The following IL17RD variants were observed in gnomAD, a reference collection of about 807,000 sequenced individuals.
IL17RD encodes interleukin-17 receptor D.
In IL17RD, 52 loss-of-function variants were observed where a neutral mutation model predicts 80.5. The ratio of observed to expected loss-of-function variants is 0.65; its 90% CI spans 0.52 to 0.81. IL17RD has a LOEUF of 0.81. Among genes scored for constraint, IL17RD ranks in the 40% least tolerant of loss-of-function variants. The pLI, the probability that IL17RD is intolerant of heterozygous loss-of-function variation, is 0.00. For synonymous variants in IL17RD, 416 were observed against 391.8 expected, an observed-to-expected ratio of 1.06 and a Z score of -0.73; for missense variants, 1,024 against 955.1, an observed-to-expected ratio of 1.07 and a Z score of -0.95.
chr3:57,142,484 C>T, intron 1 of IL17RD: 5 of 1,286,922 alleles, frequency 3.9e-6, no homozygotes, highest in Non-Finnish European at 3.0e-6. Flanking sequence ...CGCAGGAACA[C>T]CTGAGGCAGA....
chr3:57,109,305 G>A (rs1217735677), intron 5 of IL17RD, among the ~76,000 whole-genome samples: 4 of 152,052 alleles, frequency 2.6e-5, no homozygotes, highest in African/African-American at 4.8e-5. Flanking sequence ...CTGCCACCAC[G>A]CCTGGCTAAT....
At chr3:57,103,852 C>T (rs747423448) in intron 8 of IL17RD, among the ~76,000 whole-genome samples, 2 of 151,820 alleles carry the variant, frequency 1.3e-5, no homozygotes, top group Non-Finnish European at 2.9e-5. Context: ...TTACAGGCGC[C>T]CACCACCACG....
upstream of IL17RD, among the ~76,000 whole-genome samples, chr3:57,168,855 A>G (rs924886906): frequency 2.6e-5 from 4 of 152,120 alleles, no homozygotes; most frequent in African/African-American, 9.7e-5. Context: ...CAGCTGGGAT[A>G]ACAGGTGCCT....
intron 2 of IL17RD, 53 bp downstream of exon 2, chr3:57,120,202 AT>A: frequency 7.4e-7 from 1 of 1,358,042 alleles, no homozygotes. Context: ...TGGCTATGTA[AT>A]CTCTAGATGA....
intron 12 of IL17RD, 65 bp downstream of exon 12, chr3:57,097,531 G>C: frequency 1.5e-6 from 2 of 1,306,226 alleles, no homozygotes; most frequent in Non-Finnish European, 2.2e-6. Context: ...AAAACGCTTT[G>C]ACTGATTTCA....
intron 1 of IL17RD, among the ~76,000 whole-genome samples, chr3:57,163,843 G>A (rs915192931): frequency 1.4e-5 from 2 of 145,440 alleles, no homozygotes; most frequent in East Asian, 2.1e-4. Flanking sequence ...GGTCATAGCC[G>A]TCTCCATAGC....
At position 57,097,969 on chromosome 3, in the gene IL17RD, G is replaced by A; in HGVS notation, c.1734C>T (p.Val578=). The A allele has an allele frequency of 6.2e-7, 1 of 1,614,040 alleles. No individual in the cohort carries two copies. Among genetic ancestry groups the A allele is most frequent in the South Asian group, 1.1e-5 (1 of 91,080 alleles). The change falls in exon 12 of 13, where the codon GTC becomes GTT. Residue 578 remains valine (V), a synonymous_variant. Coordinates refer to ENST00000296318, the MANE Select transcript of IL17RD (RefSeq NM_017563.5). ...HPPPLRYREP[V]LEKFDSGLVL... is the part of the protein sequence containing the mutation. ...CCAAGCCCGAATCAAATTTCTCCAA[G>A]ACTGGCTCCCGGTAGCGCAGTGGAG... is the stretch of plus-strand genomic sequence containing the variant.
At chr3:57,149,528 T>C (rs1455326370) in intron 1 of IL17RD, among the ~76,000 whole-genome samples, 1 of 152,244 alleles carries the variant, frequency 6.6e-6, no homozygotes, top group Non-Finnish European at 1.5e-5. Flanking sequence ...GATATCACCA[T>C]GTCTACCTTT....
At chr3:57,151,239 A>G (rs1708054368) in intron 1 of IL17RD, among the ~76,000 whole-genome samples, 1 of 152,226 alleles carries the variant, frequency 6.6e-6, no homozygotes, top group African/African-American at 2.4e-5. Flanking sequence ...GATGACATCC[A>G]GTACAATAAA....
intron 1 of IL17RD, among the ~76,000 whole-genome samples, chr3:57,158,942 A>G (rs2060285606): frequency 6.6e-6 from 1 of 152,212 alleles, no homozygotes; most frequent in Non-Finnish European, 1.5e-5. Context: ...ATGACTGAAC[A>G]GGTAGAATCT....
At chr3:57,114,505 T>C (rs1192844412) in intron 3 of IL17RD, among the ~76,000 whole-genome samples, 187 bp downstream of exon 3, 1 of 152,192 alleles carries the variant, frequency 6.6e-6, no homozygotes, top group Non-Finnish European at 1.5e-5. Flanking sequence ...CAAAAGACCA[T>C]AGGGCACAGC....
At chr3:57,143,999 G>T (rs1707879299) in intron 1 of IL17RD, among the ~76,000 whole-genome samples, 1 of 152,128 alleles carries the variant, frequency 6.6e-6, no homozygotes, top group Non-Finnish European at 1.5e-5. Context: ...CAGATATTAG[G>T]CCCATTTCAA....
chr3:57,120,836 C>A (rs1184522648), intron 1 of IL17RD, among the ~76,000 whole-genome samples: 1 of 152,134 alleles, frequency 6.6e-6, no homozygotes, highest in East Asian at 1.9e-4. Context: ...TTATTCACTG[C>A]ATCCATACCT....
At chr3:57,161,191 A>C (rs1382558493) in intron 1 of IL17RD, among the ~76,000 whole-genome samples, 2 of 152,248 alleles carry the variant, frequency 1.3e-5, no homozygotes, top group Non-Finnish European at 2.9e-5. Flanking sequence ...GTAATTTTTT[A>C]ACCAAGAATT....
chr3:57,134,521 G>C, intron 1 of IL17RD: 1 of 1,332,500 alleles, frequency 7.5e-7, no homozygotes, highest in Non-Finnish European at 1.1e-6. Flanking sequence ...AAGGTGAAGG[G>C]GAATGTGTTC....
chr3:57,114,184 A>C (rs1427588384), intron 3 of IL17RD, among the ~76,000 whole-genome samples: 9 of 99,634 alleles, frequency 9.0e-5, no homozygotes, highest in African/African-American at 2.4e-4. Flanking sequence ...ACTATGTCTC[A>C]AAAAAAAAAA....
chr3:57,106,207 T>C, intron 5 of IL17RD, 53 bp from the exon 6 acceptor site: 1 of 1,349,310 alleles, frequency 7.4e-7, no homozygotes, highest in Non-Finnish European at 1.0e-6. Context: ...TTAGACATTT[T>C]CCTCTCCCAA....
chr3:57,097,906 A>C lies in IL17RD; in HGVS notation c.1797T>G (p.Ser599Arg). The change falls in exon 12 of 13, where the codon AGT becomes AGG. Residue 599 changes from serine to arginine, a missense_variant. Coordinates refer to ENST00000296318, the MANE Select transcript of IL17RD (RefSeq NM_017563.5). ...CCGCCTCTACCTTTAGGCAGAAGTC[A>C]CTCTCAGGCCCTGGTTTGCACATGA... ...NDVMCKPGPESDFCLKVEAAV... is the reference protein window; with the variant it reads ...NDVMCKPGPERDFCLKVEAAV... 3.1e-6 allele frequency: 5 copies of C among 1,613,828 alleles called. No individual in the cohort carries two copies. Among genetic ancestry groups the C allele is most frequent in the Non-Finnish European group, 4.2e-6 (5 of 1,179,874 alleles).
intron 1 of IL17RD, among the ~76,000 whole-genome samples, chr3:57,154,283 T>TATACAC (rs904157398): frequency 2.7e-5 from 3 of 112,908 alleles, no homozygotes; most frequent in African/African-American, 6.3e-5. Flanking sequence ...TATATATATA[T>TATACAC]ACACACACAC....
Sources: allele counts gnomAD v4.1 joint callset (sites outside exome capture counted in the v4.1 genomes callset), GRCh38; gene constraint gnomAD v4.1.1; transcripts MANE v1.5; gene names NCBI Gene and HGNC (gene_info 2026-07-23, HGNC 2026-07-21).